MARCHF1: variants seen among roughly 807,000 people sequenced by gnomAD.
MARCHF1 encodes the protein membrane associated ring-CH-type finger 1.
Under a neutral mutation model 54.2 loss-of-function variants are expected in MARCHF1, and 40 were observed. That is an observed-to-expected ratio of 0.74 (90% CI 0.57 to 0.96). The LOEUF (loss-of-function observed/expected upper bound fraction) is 0.96. Ranked by LOEUF, MARCHF1 falls within the 40% of genes least tolerant of loss-of-function variation. The pLI is 0.00. For synonymous variants in MARCHF1, 236 were observed against 236.3 expected, an observed-to-expected ratio of 1.00 and a Z score of 0.01; for missense variants, 586 against 656.5, an observed-to-expected ratio of 0.89 and a Z score of 1.17.
At chr4:164,160,697 A>T (rs1288408206) in intron 1 of MARCHF1, among the ~76,000 whole-genome samples, 2 of 152,210 alleles carry the variant, frequency 1.3e-5, no homozygotes. Flanking sequence ...AACCACTGAC[A>T]GTGAGTGCTT....
Position 163,528,858 on chromosome 4 carries a change from A to G in MARCHF1, c.1528T>C (p.Cys510Arg), listed in dbSNP as rs1484602638. The G allele has an allele frequency of 6.2e-7, 1 of 1,613,326 alleles. No homozygotes were observed. The highest frequency in any genetic ancestry group is 2.2e-5 in the East Asian group (1 of 44,870). Reference sequence around the variant, plus strand: ...TCTTTGATGTCTGTGTTTACATTACATGAGAAGTTCTTCTCCAGTTTTTTG... The same window carrying G: ...TCTTTGATGTCTGTGTTTACATTACGTGAGAAGTTCTTCTCCAGTTTTTTG... ...TAKKLEKNFS[C>R]NVNTDIKDAV... The change falls in exon 10 of 10, where the codon TGT (cysteine) becomes CGT (arginine). Residue 510 changes from cysteine (C) to arginine (R), a missense_variant. By Grantham distance (180) the Cys-to-Arg change is radical. Transcript: ENST00000514618.
At chr4:164,126,572 T>C (rs1454445324) in intron 1 of MARCHF1, among the ~76,000 whole-genome samples, 4 of 152,074 alleles carry the variant, frequency 2.6e-5, no homozygotes, top group African/African-American at 9.7e-5. Context: ...TGGGTAGAAA[T>C]GAGAAGAGTT....
chr4:163,676,312 G>A (rs1743917991), intron 5 of MARCHF1, among the ~76,000 whole-genome samples: 1 of 150,766 alleles, frequency 6.6e-6, no homozygotes, highest in African/African-American at 2.4e-5. Flanking sequence ...AGCCGAGGTT[G>A]CGCCATTGCA....
intron 3 of MARCHF1, among the ~76,000 whole-genome samples, chr4:163,929,450 T>C (rs989076451): frequency 4.6e-5 from 7 of 152,076 alleles, no homozygotes; most frequent in Non-Finnish European, 7.4e-5. Context: ...TTTATCCTTT[T>C]CTGCTGCAAT....
At chr4:163,596,990 C>T (rs1028568144) in intron 7 of MARCHF1, among the ~76,000 whole-genome samples, 3 of 152,116 alleles carry the variant, frequency 2.0e-5, no homozygotes, top group African/African-American at 7.2e-5. Context: ...GAGTCTTGCT[C>T]TGTCGCCTAG....
chr4:163,717,432 T>C (rs1745299885), intron 4 of MARCHF1, among the ~76,000 whole-genome samples: 1 of 152,072 alleles, frequency 6.6e-6, no homozygotes, highest in Admixed American at 6.6e-5. Context: ...GTCTTTGCTA[T>C]TGTGAATGCT....
At chr4:164,227,764 C>A (rs1399809086) in intron 1 of MARCHF1, among the ~76,000 whole-genome samples, 1 of 151,988 alleles carries the variant, frequency 6.6e-6, no homozygotes. Flanking sequence ...TTTAGGACTC[C>A]CTTTGCCAAA....
At chr4:163,961,812 G>A (rs528439561) in intron 3 of MARCHF1, among the ~76,000 whole-genome samples, 1 of 151,998 alleles carries the variant, frequency 6.6e-6, no homozygotes, top group South Asian at 2.1e-4. Flanking sequence ...ATGCTCTGAG[G>A]ATAACTGCAC....
intron 4 of MARCHF1, among the ~76,000 whole-genome samples, chr4:163,846,144 T>C (rs1579335093): frequency 6.6e-6 from 1 of 152,148 alleles, no homozygotes; most frequent in Admixed American, 6.6e-5. Flanking sequence ...AACTGATACA[T>C]GATTGAATAA....
chr4:163,548,386 A>ACAT (rs5863616), intron 8 of MARCHF1, among the ~76,000 whole-genome samples: 1 of 151,628 alleles, frequency 6.6e-6, no homozygotes, highest in Non-Finnish European at 1.5e-5. Context: ...TAAAATTGGG[A>ACAT]CTTCTATCTA....
chr4:163,999,274 T>C (rs1455066996), intron 2 of MARCHF1, among the ~76,000 whole-genome samples: 28 of 151,628 alleles, frequency 1.8e-4, no homozygotes, highest in Non-Finnish European at 1.3e-4. Context: ...GCATGTAAAC[T>C]CCTTGGTACA....
At chr4:163,571,111 A>G (rs1739829644) in intron 8 of MARCHF1, among the ~76,000 whole-genome samples, 1 of 152,070 alleles carries the variant, frequency 6.6e-6, no homozygotes, top group Admixed American at 6.6e-5. Flanking sequence ...TTGTTCCCCT[A>G]ATGGAACAGA....
intron 2 of MARCHF1, among the ~76,000 whole-genome samples, chr4:163,994,187 T>G (rs1753019446): frequency 6.6e-6 from 1 of 151,954 alleles, no homozygotes; most frequent in African/African-American, 2.4e-5. Context: ...CGGAAGGTCT[T>G]TAATTACTGC....
chr4:164,305,734 T>A (rs1225273350), intron 1 of MARCHF1, among the ~76,000 whole-genome samples: 1 of 152,166 alleles, frequency 6.6e-6, no homozygotes, highest in South Asian at 2.1e-4. Flanking sequence ...ACACACAGTA[T>A]TTTCAAAAAG....
chr4:163,754,555 G>T (rs2110795160), intron 4 of MARCHF1, among the ~76,000 whole-genome samples: 1 of 152,246 alleles, frequency 6.6e-6, no homozygotes, highest in South Asian at 2.1e-4. Flanking sequence ...ATAAGATGTA[G>T]ATTACTCAGA....
intron 3 of MARCHF1, among the ~76,000 whole-genome samples, chr4:163,860,359 A>C (rs1047761443): frequency 6.6e-6 from 1 of 152,146 alleles, no homozygotes. Flanking sequence ...ATTTCATGAG[A>C]ATATCTGAGA....
intron 1 of MARCHF1, among the ~76,000 whole-genome samples, chr4:164,281,797 C>T (rs1734033007): frequency 6.6e-6 from 1 of 152,186 alleles, no homozygotes; most frequent in Non-Finnish European, 1.5e-5. Context: ...CCAGTGTCTA[C>T]CATTCAGGCT....
At chr4:163,982,206 C>T (rs1752777364) in intron 3 of MARCHF1, among the ~76,000 whole-genome samples, 1 of 152,200 alleles carries the variant, frequency 6.6e-6, no homozygotes, top group Admixed American at 6.5e-5. Context: ...GCACATGGGA[C>T]TCTAATACTC....
chr4:164,300,244 A>G (rs1285141313), intron 1 of MARCHF1, among the ~76,000 whole-genome samples: 2 of 152,094 alleles, frequency 1.3e-5, no homozygotes, highest in Non-Finnish European at 2.9e-5. Context: ...CACAATAAAT[A>G]CCCCAGCTGA....
Sources: allele counts gnomAD v4.1 joint callset (sites outside exome capture counted in the v4.1 genomes callset), GRCh38; gene constraint gnomAD v4.1.1; transcripts MANE v1.5; gene names NCBI Gene and HGNC (gene_info 2026-07-23, HGNC 2026-07-21).